Variants in PCDHA5 observed in about 807,000 individuals in gnomAD.
PCDHA5 encodes protocadherin alpha-5.
In PCDHA5, 43 loss-of-function variants were observed where a neutral mutation model predicts 61.6. The observed-to-expected ratio is 0.70, with a 90% CI of 0.55 to 0.90. The LOEUF (loss-of-function observed/expected upper bound fraction) is 0.90. Ranked by LOEUF, PCDHA5 falls within the 40% of genes least tolerant of loss-of-function variation. The probability of loss-of-function intolerance (pLI) is 0.00; values close to 1 mark genes in which losing one functional copy is unlikely to be tolerated. For missense variants in PCDHA5, 1,298 were observed against 1,222.7 expected, an observed-to-expected ratio of 1.06 and a Z score of -0.92; for synonymous variants, 627 against 543.9, an observed-to-expected ratio of 1.15 and a Z score of -2.13.
chr5:140,979,566 G>A (rs2096856791), intron 2 of PCDHA5, among the ~76,000 whole-genome samples: 1 of 152,194 alleles, frequency 6.6e-6, no homozygotes, highest in Non-Finnish European at 1.5e-5. Flanking sequence ...GATGAGCCAT[G>A]TAAAGGGCTC....
At chr5:140,877,041 A>C (rs782570873) in intron 1 of PCDHA5, 1 of 1,612,586 alleles carries the variant, frequency 6.2e-7, no homozygotes, top group Non-Finnish European at 8.5e-7. Context: ...TGCAGCCGCT[A>C]GACCACGAGG....
chr5:140,888,802 AGTGATCT>A (rs1418023292), intron 1 of PCDHA5, among the ~76,000 whole-genome samples: 2 of 152,088 alleles, frequency 1.3e-5, no homozygotes, highest in African/African-American at 4.8e-5. Flanking sequence ...GAGGTTGATC[AGTGATCT>A]GTGATCTGTG....
chr5:140,979,122 T>C (rs1271679977), intron 2 of PCDHA5, 115 bp downstream of exon 2: 2 of 1,493,778 alleles, frequency 1.3e-6, no homozygotes, highest in African/African-American at 2.8e-5. Flanking sequence ...TTAGGTACTT[T>C]GCCAGGAAAA....
intron 1 of PCDHA5, among the ~76,000 whole-genome samples, chr5:140,845,081 A>G (rs1413873569): frequency 1.3e-5 from 2 of 149,512 alleles, no homozygotes; most frequent in Non-Finnish European, 3.0e-5. Flanking sequence ...ATTGTTTTGT[A>G]GTTTATTTTA....
chr5:140,927,450 G>A (rs782619485), intron 1 of PCDHA5: 3 of 1,614,188 alleles, frequency 1.9e-6, no homozygotes, highest in South Asian at 1.1e-5. Context: ...CGGAGTTGGT[G>A]TTGGAGAAAG....
chr5:140,979,592 T>C (rs1554240865), intron 2 of PCDHA5, among the ~76,000 whole-genome samples: 1 of 152,248 alleles, frequency 6.6e-6, no homozygotes, highest in African/African-American at 2.4e-5. Flanking sequence ...CTAGCTTACT[T>C]TAAATTAACC....
chr5:140,904,912 T>C (rs2071465626), intron 1 of PCDHA5, among the ~76,000 whole-genome samples: 1 of 152,236 alleles, frequency 6.6e-6, no homozygotes, highest in Non-Finnish European at 1.5e-5. Flanking sequence ...TACTGATTTG[T>C]TTGACTTCCT....
intron 1 of PCDHA5, chr5:140,849,281 T>A: frequency 8.4e-7 from 1 of 1,191,174 alleles, no homozygotes; most frequent in Non-Finnish European, 1.2e-6. Flanking sequence ...CGCTGGTGAT[T>A]CACCCCAATG....
At chr5:140,862,662 C>A (rs1365074780) in intron 1 of PCDHA5, 3 of 546,742 alleles carry the variant, frequency 5.5e-6, no homozygotes, top group South Asian at 1.4e-5. Flanking sequence ...GGGACCGGGA[C>A]GCGCAGGAGA....
Position 141,010,456 on chromosome 5 carries a change from TATC to T in PCDHA5, c.*521_*523del. The T allele has an allele frequency of 1.1e-6, 1 of 877,088 alleles. No individual in the cohort carries two copies. The highest frequency in any genetic ancestry group is 3.0e-5 in the Admixed American group (1 of 33,582). The allele number at this position is 877,088 out of a possible 1,614,324, so 54.3% of individuals were successfully genotyped here. On this transcript the variant is annotated 3_prime_UTR_variant, in exon 4 of 4. Transcript: ENST00000529859. ...ACAAAGACAAATAAACAGCGGAAGT[TATC>T]AGTATGGAGGGGAAGTGTAAACTTA... is the stretch of plus-strand genomic sequence containing the variant.
chr5:140,889,028 C>G (rs1015343865), intron 1 of PCDHA5, among the ~76,000 whole-genome samples: 1 of 151,754 alleles, frequency 6.6e-6, no homozygotes. Flanking sequence ...CTTGGATAAC[C>G]GTAATTTGAT....
chr5:140,967,928 A>G, intron 1 of PCDHA5: 1 of 1,614,200 alleles, frequency 6.2e-7, no homozygotes, highest in South Asian at 1.1e-5. Context: ...GGCCGTTCTC[A>G]GTGTCAATGA....
At chr5:140,944,166 G>A (rs1483002893) in intron 1 of PCDHA5, among the ~76,000 whole-genome samples, 1 of 152,024 alleles carries the variant, frequency 6.6e-6, no homozygotes, top group Non-Finnish European at 1.5e-5. Context: ...AAAGGGCCAA[G>A]GCTGGTTTTT....
In PCDHA5 at chr5:141,010,017, T is replaced by C; in HGVS notation, c.*80T>C. 1.3e-6 allele frequency: 2 copies of C among 1,571,154 alleles called. No individual in the cohort carries two copies. Among genetic ancestry groups the C allele is most frequent in the Non-Finnish European group, 1.7e-6 (2 of 1,162,678 alleles). On this transcript the variant is annotated 3_prime_UTR_variant, in exon 4 of 4. Transcript: ENST00000529859. ...CTCCCATGTAGCAATTCCCTGCTCC[T>C]TTTTCCTATCTACATGAGCCCTCTT...
chr5:140,825,138 T>C (rs1371793732), intron 1 of PCDHA5: 3 of 151,814 alleles, frequency 2.0e-5, no homozygotes, highest in Admixed American at 1.3e-4. Flanking sequence ...AAAAAACATA[T>C]GAGTATTGAT....
chr5:140,833,460 T>A (rs1440945863), intron 1 of PCDHA5, among the ~76,000 whole-genome samples: 1 of 152,148 alleles, frequency 6.6e-6, no homozygotes, highest in African/African-American at 2.4e-5. Context: ...AAAATAAACT[T>A]ACATTTTAAA....
rs2150279468 is a variant in PCDHA5, at chr5:140,851,877, A to C, written c.2352+27750A>C. On this transcript the variant is annotated intron_variant, in intron 1 of 3. Coordinates refer to ENST00000529859, the MANE Select transcript of PCDHA5 (RefSeq NM_018908.3). Reference sequence around the variant, plus strand: ...CAGCTCATACATAACACAAGGCAGAAATCTGGATATGAGATTTGCCTCTTT... The same window carrying C: ...CAGCTCATACATAACACAAGGCAGACATCTGGATATGAGATTTGCCTCTTT... 2.0e-6 allele frequency: 2 copies of C among 977,786 alleles called. 1 individual carries two copies. The highest frequency in any genetic ancestry group is 3.5e-5 in the African/African-American group (2 of 56,674). The allele number at this position is 977,786 out of a possible 1,614,324, so 60.6% of individuals were successfully genotyped here.
intron 3 of PCDHA5, among the ~76,000 whole-genome samples, chr5:140,984,413 CAGAGAT>C (rs1244237847): frequency 1.3e-5 from 2 of 152,148 alleles, no homozygotes; most frequent in African/African-American, 4.8e-5. Context: ...ATCTTTTTTA[CAGAGAT>C]AGAGAAGGGG....
chr5:140,891,974 C>T (rs2063333007), intron 1 of PCDHA5, among the ~76,000 whole-genome samples: 1 of 152,170 alleles, frequency 6.6e-6, no homozygotes, highest in South Asian at 2.1e-4. Context: ...AATTTCCGTT[C>T]TCATAAATTA....
Sources: gnomAD v4.1 joint callset for allele counts (sites outside exome capture counted in the v4.1 genomes callset) on GRCh38, gnomAD v4.1.1 for gene constraint, MANE v1.5 for transcripts, NCBI Gene and HGNC (gene_info 2026-07-23, HGNC 2026-07-21) for gene names.